The following FGFR2 variants were observed in gnomAD, a reference collection of about 807,000 sequenced individuals.
FGFR2 encodes BEK fibroblast growth factor receptor.
FGFR2 carries 19 observed loss-of-function variants against 95.9 expected under a neutral mutation model. The observed-to-expected ratio is 0.20, with a 90% CI of 0.14 to 0.29. FGFR2 has a LOEUF of 0.29. Ranked by LOEUF, FGFR2 falls within the 10% of genes least tolerant of loss-of-function variation. The probability of loss-of-function intolerance (pLI) is 1.00; values close to 1 mark genes in which losing one functional copy is unlikely to be tolerated. For synonymous variants in FGFR2, 392 were observed against 393.3 expected (o/e 1.00, Z 0.04); for missense variants, 707 against 1,056.9 (o/e 0.67, Z 4.59).
chr10:121,497,222 T>C lies in FGFR2; in HGVS notation c.1673-500A>G, dbSNP rs367794580. Among the ~76,000 whole-genome samples, 246 of 150,850 alleles carry C rather than the reference T, an allele frequency of 1.6e-3. 1 individual carries two copies. The highest frequency in any genetic ancestry group is 5.3e-3 in the African/African-American group (216 of 40,984). On this transcript the variant is annotated intron_variant, in intron 12 of 17. Transcript: ENST00000358487. ...AAATATGATTATAATCTCTCCAAAA[T>C]GATAAATAAGCCCTTGGTCATGATA...
chr10:121,588,769 G>C (rs1862199126), intron 2 of FGFR2, among the ~76,000 whole-genome samples: 1 of 151,950 alleles, frequency 6.6e-6, no homozygotes, highest in Non-Finnish European at 1.5e-5. Flanking sequence ...AAATTATCCA[G>C]GCCTGTAGTC....
intron 17 of FGFR2, among the ~76,000 whole-genome samples, chr10:121,482,898 A>G (rs186129195): frequency 3.9e-5 from 6 of 152,196 alleles, no homozygotes; most frequent in Admixed American, 1.3e-4. Context: ...CCTGGGTTCA[A>G]GCGATTCCCC....
chr10:121,480,070 C>G (rs1222726756), intron 17 of FGFR2, 49 bp from the exon 18 acceptor site: 2 of 1,547,680 alleles, frequency 1.3e-6, no homozygotes, highest in East Asian at 4.5e-5. Context: ...GTCAGGATAA[C>G]AAGGTGAATA....
intron 6 of FGFR2, among the ~76,000 whole-genome samples, chr10:121,537,010 A>G (rs1852931198): frequency 6.6e-6 from 1 of 152,190 alleles, no homozygotes; most frequent in Admixed American, 6.5e-5. Context: ...TGATCAATGG[A>G]TTTACAGTGT....
intron 5 of FGFR2, among the ~76,000 whole-genome samples, chr10:121,542,774 G>C (rs1564957268): frequency 3.3e-5 from 5 of 152,150 alleles, no homozygotes; most frequent in African/African-American, 1.2e-4. Context: ...GCCCAGACAG[G>C]TTTTTCGGAA....
Position 121,598,226 on chromosome 10 carries a change from T to G in FGFR2, c.-415A>C. ...GGCTTGGCGTTGCCTCCACCAAACT[T>G]TGCTCGCGAGTTGCGAAGGCTCAGA... is the stretch of plus-strand genomic sequence containing the variant. On this transcript the variant is annotated 5_prime_UTR_variant, in exon 1 of 18. Transcript: ENST00000358487. The G allele has an allele frequency of 5.1e-6, 2 of 394,666 alleles. No homozygotes were observed. The highest frequency in any genetic ancestry group is 4.5e-6 in the Non-Finnish European group (1 of 223,582). The allele number at this position is 394,666 out of a possible 1,614,324, so 24.4% of individuals were successfully genotyped here. A position where few individuals can be genotyped will look rare whatever the true frequency, so the allele number is the denominator to read the frequency against.
intron 9 of FGFR2, among the ~76,000 whole-genome samples, chr10:121,510,619 T>C (rs1761981273): frequency 6.6e-6 from 1 of 151,984 alleles, no homozygotes; most frequent in African/African-American, 2.4e-5. Context: ...TGAGGATCAC[T>C]AACACTGGAC....
chr10:121,536,353 C>A (rs1852813937), intron 6 of FGFR2, among the ~76,000 whole-genome samples: 1 of 152,120 alleles, frequency 6.6e-6, no homozygotes, highest in African/African-American at 2.4e-5. Context: ...AGGTTCAAGG[C>A]TTGGAAAATT....
chr10:121,505,848 G>A (rs1420410064), intron 9 of FGFR2, among the ~76,000 whole-genome samples: 2 of 152,182 alleles, frequency 1.3e-5, no homozygotes, highest in Admixed American at 1.3e-4. Flanking sequence ...ATTCAGGAGC[G>A]GGTTTAACGG....
intron 7 of FGFR2, among the ~76,000 whole-genome samples, chr10:121,519,463 GTTTTGTTTTGT>G (rs1339164495): frequency 6.6e-6 from 1 of 151,902 alleles, no homozygotes; most frequent in Non-Finnish European, 1.5e-5. Flanking sequence ...TCAGGGTTTT[GTTTTGTTTTGT>G]TTTTGTTAAA....
chr10:121,544,303 G>A (rs991093615), intron 5 of FGFR2, among the ~76,000 whole-genome samples: 10 of 151,936 alleles, frequency 6.6e-5, no homozygotes, highest in South Asian at 2.1e-4. Context: ...AAAATTAGCC[G>A]GGCATGGTGG....
intron 1 of FGFR2, 65 bp from the exon 2 acceptor site, chr10:121,594,032 G>A: frequency 1.6e-6 from 1 of 627,860 alleles, no homozygotes; most frequent in Non-Finnish European, 2.9e-6. Flanking sequence ...AGCCCAAGTG[G>A]GATAAAACCA....
At chr10:121,494,171 C>T (rs1032118610) in intron 13 of FGFR2, among the ~76,000 whole-genome samples, 3 of 152,094 alleles carry the variant, frequency 2.0e-5, no homozygotes, top group Admixed American at 6.5e-5. Flanking sequence ...ATGGCAGTGA[C>T]AGCAAAGTGC....
chr10:121,517,923 T>C lies in FGFR2; in HGVS notation c.940-460A>G, dbSNP rs557310440. ...CAGATGGACACCTCACCCATCCTCCTGGCCCTGTGGGAACCAATTGGGGTG... is the reference window on the plus strand; with the variant it reads ...CAGATGGACACCTCACCCATCCTCCCGGCCCTGTGGGAACCAATTGGGGTG... On this transcript the variant is annotated intron_variant, in intron 7 of 17. Coordinates refer to ENST00000358487, the MANE Select transcript of FGFR2 (RefSeq NM_000141.5). This position sits in a 1 kb window ranked among gnomAD's most constrained non-coding sequence, Gnocchi z 4.7. The C allele has an allele frequency of 2.1e-4, 78 of 369,178 alleles. No homozygotes were observed. The highest frequency in any genetic ancestry group is 1.7e-3 in the South Asian group (77 of 46,606). 22.9% of individuals were successfully genotyped at this position (369,178 alleles called of 1,614,324 possible).
At chr10:121,583,551 A>G (rs1861285597) in intron 2 of FGFR2, 1 of 152,420 alleles carries the variant, frequency 6.6e-6, no homozygotes, top group Non-Finnish European at 1.5e-5. Context: ...CTTTCCAATA[A>G]GTCACATGCC....
intron 11 of FGFR2, among the ~76,000 whole-genome samples, chr10:121,499,927 G>A (rs1847374899): frequency 6.6e-6 from 1 of 152,184 alleles, no homozygotes; most frequent in Non-Finnish European, 1.5e-5. Flanking sequence ...CTTCCCCTTG[G>A]GAGGGATGTG....
At chr10:121,510,193 C>T (rs1848869466) in intron 9 of FGFR2, among the ~76,000 whole-genome samples, 1 of 152,216 alleles carries the variant, frequency 6.6e-6, no homozygotes, top group Non-Finnish European at 1.5e-5. Flanking sequence ...TCACTTTTCT[C>T]CCATAGCGAG....
At chr10:121,488,948 A>G (rs1845776354) in intron 13 of FGFR2, among the ~76,000 whole-genome samples, 1 of 152,006 alleles carries the variant, frequency 6.6e-6, no homozygotes, top group African/African-American at 2.4e-5. Flanking sequence ...CTTATGAAGA[A>G]CCTCTGAATT....
At chr10:121,490,151 CTTCTTT>C (rs1433690734) in intron 13 of FGFR2, among the ~76,000 whole-genome samples, 8 of 134,676 alleles carry the variant, frequency 5.9e-5, no homozygotes, top group Non-Finnish European at 9.4e-5. Flanking sequence ...ACGACTTTTC[CTTCTTT>C]TTTTTTTTTT....
Sources: gnomAD v4.1 joint callset for allele counts (sites outside exome capture counted in the v4.1 genomes callset) on GRCh38, gnomAD v4.1.1 for gene constraint, Gnocchi (gnomAD v3.1) non-coding constraint, MANE v1.5 for transcripts, NCBI Gene and HGNC (gene_info 2026-07-23, HGNC 2026-07-21) for gene names.